Variants in DIP2C observed in about 807,000 individuals in gnomAD.
The protein encoded by DIP2C is DIP2 acetate--CoA ligase C (putative), also known as disco-interacting protein 2 homolog C.
Under a neutral mutation model 192.4 loss-of-function variants are expected in DIP2C, and 33 were observed. The observed-to-expected ratio is 0.17, with a 90% confidence interval of 0.13 to 0.23. DIP2C has a LOEUF of 0.23. Ranked by LOEUF, DIP2C falls within the 10% of genes least tolerant of loss-of-function variation. The pLI, the probability that DIP2C is intolerant of heterozygous loss-of-function variation, is 1.00. For missense variants in DIP2C, 1,537 were observed against 2,110.1 expected, an observed-to-expected ratio of 0.73 and a Z score of 5.32; for synonymous variants, 979 against 864.1, an observed-to-expected ratio of 1.13 and a Z score of -2.33.
intron 1 of DIP2C, among the ~76,000 whole-genome samples, chr10:677,987 T>C (rs114661989): frequency 0.01 from 1,525 of 152,352 alleles, 13 homozygotes; most frequent in African/African-American, 0.026. Flanking sequence ...GCCCATGTCA[T>C]GAGCCCCCGC....
At chr10:298,977 A>G (rs557892876) in intron 32 of DIP2C, among the ~76,000 whole-genome samples, 2 of 152,308 alleles carry the variant, frequency 1.3e-5, no homozygotes, top group East Asian at 1.9e-4. Context: ...TATAGATTTG[A>G]TATGTTTATG....
chr10:544,058 C>G (rs898692853), intron 1 of DIP2C, among the ~76,000 whole-genome samples: 139 of 152,302 alleles, frequency 9.1e-4, no homozygotes, highest in African/African-American at 2.9e-3. Context: ...TTCAAGGTGA[C>G]TGGTATCGTA....
intron 20 of DIP2C, 64 bp downstream of exon 20, chr10:364,310 C>CA: frequency 3.9e-6 from 6 of 1,556,334 alleles, no homozygotes; most frequent in Non-Finnish European, 5.2e-6. Context: ...TTCAACCCTT[C>CA]AAAACCACAT....
At chr10:659,590 T>C (rs572046451) in intron 1 of DIP2C, among the ~76,000 whole-genome samples, 20 of 152,386 alleles carry the variant, frequency 1.3e-4, no homozygotes, top group African/African-American at 4.1e-4. Flanking sequence ...TAGGCACACA[T>C]GCCTGAAGAC....
rs1857102023 is a variant in DIP2C, at chr10:666,517, T to C, written c.85+22977A>G. ...GAGTCGGGGCCGGGGAAACCAAGCC[T>C]GCAGGACTCCGGGAGCAGCCGGTTT... On this transcript the variant is annotated intron_variant, in intron 1 of 36. Transcript: ENST00000280886. The surrounding 1 kb of genome is among the most constrained non-coding windows in gnomAD (Gnocchi z 4.1). 1.3e-5 allele frequency: 2 copies of C among 152,224 alleles called. No homozygotes were observed. Among genetic ancestry groups the C allele is most frequent in the South Asian group, 4.1e-4 (2 of 4,826 alleles). The allele number at this position is 152,224 out of a possible 1,614,324, so 9.4% of individuals were successfully genotyped here.
chr10:619,541 G>GCCCGCCCGCCCGCCCGCCCGCCCA, intron 1 of DIP2C, among the ~76,000 whole-genome samples: 1 of 67,962 alleles, frequency 1.5e-5, no homozygotes, highest in African/African-American at 3.4e-5. Flanking sequence ...CCGCCCGCCC[G>GCCCGCCCGCCCGCCCGCCCGCCCA]CCCTCCCACC....
chr10:394,614 C>T (rs569479323), intron 10 of DIP2C, among the ~76,000 whole-genome samples: 12 of 147,726 alleles, frequency 8.1e-5, no homozygotes, highest in Admixed American at 2.0e-4. Context: ...GGAAGGTGAC[C>T]GTATGCTGAA....
chr10:490,914 G>A (rs1844392612), intron 1 of DIP2C, among the ~76,000 whole-genome samples: 1 of 152,218 alleles, frequency 6.6e-6, no homozygotes, highest in African/African-American at 2.4e-5. Context: ...AAGGTCGAAT[G>A]AGACTGAGGG....
chr10:285,310 G>C (rs1205521050), intron 34 of DIP2C, among the ~76,000 whole-genome samples: 4 of 152,124 alleles, frequency 2.6e-5, no homozygotes, highest in African/African-American at 9.7e-5. Context: ...GGAGGAGGAG[G>C]GCTGGTGCTG....
intron 4 of DIP2C, chr10:430,458 A>T (rs908376830): frequency 2.0e-5 from 3 of 152,246 alleles, no homozygotes; most frequent in Non-Finnish European, 4.4e-5. Flanking sequence ...CTCCCGCCTT[A>T]GCCTCCTGAG....
At chr10:353,253 C>T (rs564587574) in intron 24 of DIP2C, among the ~76,000 whole-genome samples, 45 of 151,970 alleles carry the variant, frequency 3.0e-4, no homozygotes, top group East Asian at 1.2e-3. Flanking sequence ...ACCATTTTAA[C>T]GTTTCACATT....
At chr10:551,081 G>A (rs114957984) in intron 1 of DIP2C, among the ~76,000 whole-genome samples, 13 of 152,136 alleles carry the variant, frequency 8.5e-5, no homozygotes, top group Admixed American at 2.0e-4. Context: ...CCATGCACAC[G>A]GCTTCCCCGG....
intron 3 of DIP2C, among the ~76,000 whole-genome samples, chr10:464,653 CATG>C (rs1441804814): frequency 1.3e-5 from 2 of 152,190 alleles, no homozygotes; most frequent in Non-Finnish European, 2.9e-5. Flanking sequence ...GATTATAAAT[CATG>C]ATACTATAAA....
chr10:406,223 G>A (rs1008132033), intron 9 of DIP2C, among the ~76,000 whole-genome samples: 8 of 152,130 alleles, frequency 5.3e-5, no homozygotes, highest in Admixed American at 1.3e-4. Flanking sequence ...TACAATTAAC[G>A]TTTCATTATG....
In DIP2C at chr10:689,338, T is replaced by A. The variant is rs1831458133; in HGVS notation, c.85+156A>T. The stretch of plus-strand genomic sequence containing the variant: ...TCACAAACGTCCCTAGGGCGCGGGG[T>A]CTGGGGGTCCGGGGGACGCGCACGC... On this transcript the variant is annotated intron_variant, in intron 1 of 36. Coordinates refer to ENST00000280886, the MANE Select transcript of DIP2C (RefSeq NM_014974.3). This position sits in a 1 kb window ranked among gnomAD's most constrained non-coding sequence, Gnocchi z 6.1. Among the ~76,000 whole-genome samples, 2 of 149,246 alleles carry A rather than the reference T, an allele frequency of 1.3e-5. No individual in the cohort carries two copies. Among genetic ancestry groups the A allele is most frequent in the Admixed American group, 1.3e-4 (2 of 15,150 alleles).
rs1164806554 is a variant in DIP2C at position 679,733 on chromosome 10, A to G, written c.85+9761T>C. Among the ~76,000 whole-genome samples, 252 of 113,308 alleles carry G rather than the reference A, an allele frequency of 2.2e-3. 1 individual carries two copies. Among genetic ancestry groups the G allele is most frequent in the Middle Eastern group, 6.0e-3 (1 of 168 alleles). The allele number at this position is 113,308 out of a possible 152,430, so 74.3% of individuals were successfully genotyped here. On this transcript the variant is annotated intron_variant, in intron 1 of 36. Coordinates refer to ENST00000280886, the MANE Select transcript of DIP2C (RefSeq NM_014974.3). ...CATGCTCCCTGCATCCGTCCTCCCC[A>G]CGCCCATCTGTGCTCCCCATGCCCA... is the stretch of plus-strand genomic sequence containing the variant.
intron 30 of DIP2C, among the ~76,000 whole-genome samples, chr10:328,895 A>C (rs918469645): frequency 2.0e-5 from 3 of 152,248 alleles, no homozygotes; most frequent in African/African-American, 7.2e-5. Flanking sequence ...TATACGTATC[A>C]AAATGTCCTT....
chr10:583,726 AAAG>A (rs1850806284), intron 1 of DIP2C, among the ~76,000 whole-genome samples: 1 of 152,242 alleles, frequency 6.6e-6, no homozygotes, highest in African/African-American at 2.4e-5. Flanking sequence ...GTAATAAAAT[AAAG>A]AACACCCGAT....
intron 1 of DIP2C, among the ~76,000 whole-genome samples, chr10:677,598 A>G (rs1033616714): frequency 6.6e-6 from 1 of 152,238 alleles, no homozygotes; most frequent in African/African-American, 2.4e-5. Flanking sequence ...CCCAGTTATT[A>G]TACATAGTTG....
Sources: allele counts gnomAD v4.1 joint callset (sites outside exome capture counted in the v4.1 genomes callset), GRCh38; gene constraint gnomAD v4.1.1; non-coding constraint Gnocchi (gnomAD v3.1); transcripts MANE v1.5; gene names NCBI Gene and HGNC (gene_info 2026-07-23, HGNC 2026-07-21).